The following DGKB variants were observed in gnomAD, a reference collection of about 807,000 sequenced individuals.
DGKB encodes diacylglycerol kinase beta.
In DGKB, 67 loss-of-function variants were observed where a neutral mutation model predicts 114.3. That is an observed-to-expected ratio of 0.59 (90% CI 0.48 to 0.72). The LOEUF (loss-of-function observed/expected upper bound fraction) is 0.72, where lower values mean the gene tolerates loss of function less well. Ranked by LOEUF, DGKB falls within the 30% of genes least tolerant of loss-of-function variation. The probability of loss-of-function intolerance (pLI) is 0.00; values close to 1 mark genes in which losing one functional copy is unlikely to be tolerated. For synonymous variants in DGKB, 398 were observed against 323.1 expected (o/e 1.23, Z -2.49); for missense variants, 907 against 975.2 (o/e 0.93, Z 0.93).
intron 2 of DGKB, among the ~76,000 whole-genome samples, chr7:14,793,604 T>C (rs978623551): frequency 6.6e-6 from 1 of 152,190 alleles, no homozygotes; most frequent in African/African-American, 2.4e-5. Flanking sequence ...TAATCAATAA[T>C]GCTTGCCAGG....
chr7:14,461,599 G>T (rs1448151304), intron 21 of DGKB, among the ~76,000 whole-genome samples: 2 of 152,130 alleles, frequency 1.3e-5, no homozygotes, highest in African/African-American at 4.8e-5. Flanking sequence ...TTCTGTAACT[G>T]AGGCTGTAAT....
rs145759824 is a variant in DGKB, at chr7:14,309,201, G to A, written c.2122+29314C>T. ...ACTGCACTCCAGTCTGGGTGACAGA[G>A]TGAGACCCTGTCTCAAAAGAAAAAA... On this transcript the variant is annotated intron_variant, in intron 23 of 25. Coordinates refer to ENST00000402815, the MANE Select transcript of DGKB (RefSeq NM_001350709.2). Among the ~76,000 whole-genome samples the A allele has an allele frequency of 6.2e-3, 943 of 152,222 alleles. 2 individuals carry two copies. Among genetic ancestry groups the A allele is most frequent in the African/African-American group, 0.013 (558 of 41,540 alleles).
chr7:14,757,574 AT>A, intron 3 of DGKB, 80 bp downstream of exon 3: 1 of 800,024 alleles, frequency 1.2e-6, no homozygotes, highest in East Asian at 2.5e-5. Flanking sequence ...ACACACATAC[AT>A]TTTTCCAAGA....
Position 14,146,448 on chromosome 7 carries a change from C to G in DGKB, c.*2683G>C, listed in dbSNP as rs1284422460. 1.3e-5 allele frequency: 2 copies of G among 152,152 alleles called. No homozygotes were observed. The highest frequency in any genetic ancestry group is 2.9e-5 in the Non-Finnish European group (2 of 68,030). 9.4% of individuals were successfully genotyped at this position (152,152 alleles called of 1,614,324 possible). A position where few individuals can be genotyped will look rare whatever the true frequency, so the allele number is the denominator to read the frequency against. On this transcript the variant is annotated 3_prime_UTR_variant, in exon 26 of 26. Coordinates refer to ENST00000402815, the MANE Select transcript of DGKB (RefSeq NM_001350709.2). The stretch of plus-strand genomic sequence containing the variant: ...TGTCTCCTATATTAAAAGAGGGCGA[C>G]TCAATAGCTGAAAATTTATCTGCAC...
intron 20 of DGKB, among the ~76,000 whole-genome samples, chr7:14,570,443 A>G (rs563315221): frequency 6.6e-6 from 1 of 152,228 alleles, no homozygotes; most frequent in African/African-American, 2.4e-5. Context: ...CCACTCTTGC[A>G]GACAAAAAAA....
intron 12 of DGKB, among the ~76,000 whole-genome samples, chr7:14,677,077 C>A (rs543793304): frequency 6.6e-6 from 1 of 151,886 alleles, no homozygotes; most frequent in African/African-American, 2.4e-5. Flanking sequence ...ATGACAACTT[C>A]CAGTAGCACC....
At chr7:14,374,468 G>C (rs1393875748) in intron 21 of DGKB, among the ~76,000 whole-genome samples, 1 of 152,156 alleles carries the variant, frequency 6.6e-6, no homozygotes, top group African/African-American at 2.4e-5. Context: ...ACTTCCATTA[G>C]AATCATTTGC....
intron 23 of DGKB, among the ~76,000 whole-genome samples, chr7:14,227,831 T>A (rs1791063570): frequency 6.6e-6 from 1 of 152,106 alleles, no homozygotes; most frequent in Non-Finnish European, 1.5e-5. Context: ...TAAAATTTTA[T>A]CTATTCTCTT....
Position 14,595,352 on chromosome 7 carries a change from C to T in DGKB, c.1433+12082G>A, listed in dbSNP as rs373833044. On this transcript the variant is annotated intron_variant, in intron 17 of 25. Coordinates refer to ENST00000402815, the MANE Select transcript of DGKB (RefSeq NM_001350709.2). ...AGAGAATAAAAACAGTGTGTAAATT[C>T]GGGAAAAAGGGAGAAAACTAGTTTA... Among the ~76,000 whole-genome samples, 57 of 151,634 alleles carry T rather than the reference C, an allele frequency of 3.8e-4. 2 individuals carry two copies. Among genetic ancestry groups the T allele is most frequent in the East Asian group, 1.9e-3 (10 of 5,160 alleles).
intron 23 of DGKB, among the ~76,000 whole-genome samples, chr7:14,182,714 C>G (rs752480890): frequency 6.6e-6 from 1 of 152,116 alleles, no homozygotes; most frequent in African/African-American, 2.4e-5. Flanking sequence ...AGAGGACACA[C>G]GAGCAGCTCA....
At chr7:14,524,932 G>A (rs1258142952) in intron 20 of DGKB, among the ~76,000 whole-genome samples, 3 of 151,696 alleles carry the variant, frequency 2.0e-5, no homozygotes, top group Non-Finnish European at 2.9e-5. Flanking sequence ...AATATTTGTA[G>A]GAAAAATGGC....
chr7:14,786,918 A>G (rs1236414220), intron 2 of DGKB, among the ~76,000 whole-genome samples: 1 of 152,162 alleles, frequency 6.6e-6, no homozygotes, highest in East Asian at 1.9e-4. Context: ...GCCTGTGGAG[A>G]AGAACTACCC....
At chr7:14,381,310 A>T (rs1157194328) in intron 21 of DGKB, among the ~76,000 whole-genome samples, 1 of 152,228 alleles carries the variant, frequency 6.6e-6, no homozygotes, top group Non-Finnish European at 1.5e-5. Context: ...CTTTTGCTCC[A>T]GGTCCTGACA....
chr7:14,486,016 T>C (rs1304331478), intron 20 of DGKB, among the ~76,000 whole-genome samples: 1 of 152,196 alleles, frequency 6.6e-6, no homozygotes, highest in Non-Finnish European at 1.5e-5. Context: ...ATAATTAGAA[T>C]CCAGTTCAAG....
chr7:14,187,628 T>C (rs774803902), intron 23 of DGKB, among the ~76,000 whole-genome samples: 16 of 152,176 alleles, frequency 1.1e-4, no homozygotes, highest in Non-Finnish European at 1.3e-4. Context: ...AGAAACTGCA[T>C]GAAGACTACA....
intron 17 of DGKB, among the ~76,000 whole-genome samples, chr7:14,585,699 C>G (rs1164047668): frequency 6.6e-6 from 1 of 152,204 alleles, no homozygotes; most frequent in East Asian, 1.9e-4. Flanking sequence ...TGTGGCAACT[C>G]TGCTTCTAGC....
chr7:14,249,790 C>T (rs948171604), intron 23 of DGKB, among the ~76,000 whole-genome samples: 2 of 151,926 alleles, frequency 1.3e-5, no homozygotes, highest in Non-Finnish European at 2.9e-5. Context: ...CTCATAATTT[C>T]ATCACTTTTT....
intron 23 of DGKB, among the ~76,000 whole-genome samples, chr7:14,294,943 A>T (rs1448490951): frequency 1.3e-5 from 2 of 152,158 alleles, no homozygotes; most frequent in Admixed American, 1.3e-4. Context: ...GACCTAATGC[A>T]GTCTAAATTA....
At chr7:14,823,408 G>A (rs1350144178) in intron 2 of DGKB, among the ~76,000 whole-genome samples, 1 of 151,970 alleles carries the variant, frequency 6.6e-6, no homozygotes, top group Admixed American at 6.6e-5. Context: ...TTAGCCTTTG[G>A]AGAGAAAACA....
Sources: gnomAD v4.1 joint callset for allele counts (sites outside exome capture counted in the v4.1 genomes callset) on GRCh38, gnomAD v4.1.1 for gene constraint, MANE v1.5 for transcripts, NCBI Gene and HGNC (gene_info 2026-07-23, HGNC 2026-07-21) for gene names.